The following FEZ2 variants were observed in gnomAD, a reference collection of about 807,000 sequenced individuals.
FEZ2 encodes fasciculation and elongation protein zeta 2.
A neutral mutation model predicts 40.4 loss-of-function variants in FEZ2; 51 were observed. The observed-to-expected ratio is 1.26, with a 90% CI of 1.01 to 1.59. The LOEUF (loss-of-function observed/expected upper bound fraction) is 1.59, where lower values mean the gene tolerates loss of function less well. Among genes scored for constraint, FEZ2 ranks in the 40% most tolerant of loss-of-function variants. FEZ2 has a pLI of 0.00. For synonymous variants in FEZ2, 242 were observed against 172.0 expected (o/e 1.41, Z -3.18); for missense variants, 640 against 438.3 (o/e 1.46, Z -4.11).
chr2:36,573,264 C>T (rs554715417), intron 5 of FEZ2, among the ~76,000 whole-genome samples: 1 of 152,278 alleles, frequency 6.6e-6, no homozygotes, highest in East Asian at 1.9e-4. Context: ...ATTCCATTTT[C>T]ATACATATAA....
intron 1 of FEZ2, chr2:36,594,486 G>A (rs188769493): frequency 7.7e-4 from 153 of 197,672 alleles, no homozygotes; most frequent in African/African-American, 3.4e-3. Flanking sequence ...GCGGCAGCAA[G>A]GGAAAATGAG....
chr2:36,576,592 T>C (rs1396301560), intron 5 of FEZ2, among the ~76,000 whole-genome samples: 1 of 152,214 alleles, frequency 6.6e-6, no homozygotes, highest in African/African-American at 2.4e-5. Flanking sequence ...TTTAAAAGGA[T>C]ACAGGAAACT....
intron 6 of FEZ2, chr2:36,556,969 G>T (rs1667975165): frequency 6.6e-6 from 1 of 152,146 alleles, no homozygotes; most frequent in Admixed American, 6.5e-5. Context: ...AACCTATAAA[G>T]ACATCTCGAT....
intron 5 of FEZ2, among the ~76,000 whole-genome samples, chr2:36,576,315 G>A (rs376979059): frequency 6.6e-6 from 1 of 151,854 alleles, no homozygotes; most frequent in Non-Finnish European, 1.5e-5. Flanking sequence ...TGTTGCCCGG[G>A]CTGGAGTACA....
intron 5 of FEZ2, among the ~76,000 whole-genome samples, chr2:36,576,856 A>C (rs1668587248): frequency 6.6e-6 from 1 of 152,220 alleles, no homozygotes; most frequent in Non-Finnish European, 1.5e-5. Flanking sequence ...GAGTTACAAA[A>C]CGAAGCCTTT....
intron 1 of FEZ2, among the ~76,000 whole-genome samples, chr2:36,595,118 A>C (rs1669178566): frequency 6.6e-6 from 1 of 152,218 alleles, no homozygotes; most frequent in African/African-American, 2.4e-5. Flanking sequence ...AAACCTCAGT[A>C]CGTAAATACA....
Position 36,581,719 on chromosome 2 carries a change from C to T in FEZ2, c.493-288G>A, listed in dbSNP as rs78155723. 2,137 of 283,080 alleles carry T rather than the reference C, an allele frequency of 7.5e-3. 50 individuals carry two copies. The highest frequency in any genetic ancestry group is 0.044 in the African/African-American group (2,004 of 45,614). 17.5% of individuals were successfully genotyped at this position (283,080 alleles called of 1,614,324 possible). ...ACATGTCTTGCAAAGTCTAGGTAAT[C>T]GTGCTACAAACACATAATAATTTAC... On this transcript the variant is annotated intron_variant, in intron 3 of 7. Transcript: ENST00000405912.
intron 5 of FEZ2, among the ~76,000 whole-genome samples, chr2:36,568,179 G>A (rs1297750835): frequency 1.3e-5 from 2 of 152,008 alleles, no homozygotes; most frequent in Non-Finnish European, 2.9e-5. Context: ...AGACAGAAGG[G>A]GTAGGGGAGG....
At chr2:36,554,189 G>A (rs1218530411) in intron 7 of FEZ2, 2 of 471,052 alleles carry the variant, frequency 4.2e-6, no homozygotes, top group Non-Finnish European at 8.8e-6. Flanking sequence ...CCAGCGGCCC[G>A]AGCATGAGGA....
chr2:36,568,029 C>T (rs114638972), intron 5 of FEZ2, among the ~76,000 whole-genome samples: 163 of 152,262 alleles, frequency 1.1e-3, no homozygotes, highest in African/African-American at 3.5e-3. Context: ...TTTTAGTAAA[C>T]GTCACCTCAT....
intron 1 of FEZ2, among the ~76,000 whole-genome samples, chr2:36,596,204 A>G (rs1194347407): frequency 1.3e-5 from 2 of 152,208 alleles, no homozygotes; most frequent in Non-Finnish European, 2.9e-5. Flanking sequence ...TGAGGAACCA[A>G]TAAAAGGAGA....
chr2:36,553,245 T>TGG (rs1667867674), intron 7 of FEZ2, 66 bp from the exon 8 acceptor site: 1 of 1,142,636 alleles, frequency 8.8e-7, no homozygotes, highest in Non-Finnish European at 1.3e-6. Context: ...AAAACATACA[T>TGG]TTTACATGTA....
intron 5 of FEZ2, among the ~76,000 whole-genome samples, chr2:36,575,188 A>G (rs848621): frequency 0.75 from 113,796 of 152,014 alleles, 42,981 homozygotes; most frequent in East Asian, 0.98. Flanking sequence ...TATTCTATTC[A>G]CCACTGTGGT....
chr2:36,581,921 G>T (rs1182141715), intron 3 of FEZ2, among the ~76,000 whole-genome samples: 1 of 152,016 alleles, frequency 6.6e-6, no homozygotes, highest in Admixed American at 6.6e-5. Flanking sequence ...TTACCTCTAT[G>T]ACAGCAAAAT....
chr2:36,558,035 C>T (rs1486836816), intron 6 of FEZ2: 1 of 153,900 alleles, frequency 6.5e-6, no homozygotes, highest in Non-Finnish European at 1.4e-5. Flanking sequence ...TCGGGTTCTA[C>T]ATTCATAAGA....
chr2:36,591,210 A>C, intron 1 of FEZ2, 199 bp from the exon 2 acceptor site: 3 of 576,958 alleles, frequency 5.2e-6, no homozygotes, highest in Non-Finnish European at 6.2e-6. Context: ...TGGGCTGACA[A>C]GAAGTCCTAA....
At chr2:36,564,796 A>C (rs532434416) in intron 5 of FEZ2, among the ~76,000 whole-genome samples, 10 of 152,300 alleles carry the variant, frequency 6.6e-5, no homozygotes, top group African/African-American at 2.2e-4. Flanking sequence ...GCTAGTGTGC[A>C]GGAGGTCTTG....
Position 36,581,270 on chromosome 2 carries a change from A to G in FEZ2, c.634+20T>C. On this transcript the variant is annotated intron_variant, in intron 4 of 7. Coordinates refer to ENST00000405912, the MANE Select transcript of FEZ2 (RefSeq NM_005102.3). ...CAGACAAAAAGCACAGAAATCATTG[A>G]TTTCAGCAGGCTCCCTTACTCTCTT... 6.2e-7 allele frequency: 1 copy of G among 1,608,628 alleles called. No homozygotes were observed. Among genetic ancestry groups the G allele is most frequent in the Non-Finnish European group, 8.5e-7 (1 of 1,176,774 alleles).
At chr2:36,553,710 G>A (rs1667882450) in intron 7 of FEZ2, among the ~76,000 whole-genome samples, 1 of 152,090 alleles carries the variant, frequency 6.6e-6, no homozygotes, top group Admixed American at 6.5e-5. Flanking sequence ...GGCCAAATGA[G>A]ACCACTTTTC....
Sources: allele counts gnomAD v4.1 joint callset (sites outside exome capture counted in the v4.1 genomes callset), GRCh38; gene constraint gnomAD v4.1.1; transcripts MANE v1.5; gene names NCBI Gene and HGNC (gene_info 2026-07-23, HGNC 2026-07-21).